Variants in PCNX2 observed in about 807,000 individuals in gnomAD.
PCNX2 encodes the protein pecanex 2, also known as pecanex-like protein 2.
Under a neutral mutation model 223.8 loss-of-function variants are expected in PCNX2, and 168 were observed. The ratio of observed to expected loss-of-function variants is 0.75; its 90% confidence interval spans 0.66 to 0.85. The LOEUF (loss-of-function observed/expected upper bound fraction) is 0.85. Among genes scored for constraint, PCNX2 ranks in the 40% least tolerant of loss-of-function variants. The pLI is 0.00. For missense variants in PCNX2, 2,507 were observed against 2,675.5 expected, an observed-to-expected ratio of 0.94 and a Z score of 1.39; for synonymous variants, 1,006 against 1,052.6, an observed-to-expected ratio of 0.96 and a Z score of 0.86.
At chr1:233,015,731 A>T (rs1285449937) in intron 27 of PCNX2, among the ~76,000 whole-genome samples, 1 of 152,002 alleles carries the variant, frequency 6.6e-6, no homozygotes, top group Non-Finnish European at 1.5e-5. Context: ...TAAATTAGCC[A>T]GGCATTGTGG....
chr1:233,035,298 A>G (rs1671416092), intron 25 of PCNX2, among the ~76,000 whole-genome samples: 1 of 152,244 alleles, frequency 6.6e-6, no homozygotes, highest in Admixed American at 6.5e-5. Flanking sequence ...AACAAACCGC[A>G]GTTTTTGTTC....
intron 13 of PCNX2, chr1:233,202,201 CTT>C: frequency 4.9e-6 from 2 of 411,496 alleles, no homozygotes; most frequent in South Asian, 1.9e-5. Context: ...TTATTTTGTC[CTT>C]TTTTTTTTCA....
intron 26 of PCNX2, among the ~76,000 whole-genome samples, chr1:233,024,690 C>G (rs1489095805): frequency 6.6e-6 from 1 of 152,250 alleles, no homozygotes; most frequent in Non-Finnish European, 1.5e-5. Flanking sequence ...AAGGCTGTCA[C>G]AGCCAATTCT....
chr1:233,302,963 G>A, the PCNX2 span, among the ~76,000 whole-genome samples: 1 of 152,022 alleles, frequency 6.6e-6, no homozygotes, highest in Non-Finnish European at 1.5e-5. Context: ...TGATTTTTCT[G>A]CACTCTAAAA....
intron 21 of PCNX2, among the ~76,000 whole-genome samples, chr1:233,116,259 A>G (rs1675401831): frequency 6.6e-6 from 1 of 152,226 alleles, no homozygotes; most frequent in South Asian, 2.1e-4. Flanking sequence ...ACTCAACAAC[A>G]TTATAATGCA....
At chr1:233,017,341 G>T (rs1214359778) in intron 26 of PCNX2, among the ~76,000 whole-genome samples, 187 bp from the exon 27 acceptor site, 1 of 128,844 alleles carries the variant, frequency 7.8e-6, no homozygotes. Context: ...TTTTTGAGAC[G>T]GAGTCTTGCT....
chr1:233,192,813 T>C (rs1680493339), intron 15 of PCNX2, among the ~76,000 whole-genome samples: 1 of 151,464 alleles, frequency 6.6e-6, no homozygotes. Flanking sequence ...TTATGCTATG[T>C]GAAGTAAATT....
At chr1:233,167,308 G>A (rs991592554) in intron 17 of PCNX2, among the ~76,000 whole-genome samples, 1 of 152,050 alleles carries the variant, frequency 6.6e-6, no homozygotes, top group Non-Finnish European at 1.5e-5. Context: ...GACAAATACT[G>A]CGTGATTTCA....
Position 233,001,485 on chromosome 1 carries a change from TAA to T in PCNX2, c.5097+50_5097+51del. On this transcript the variant is annotated intron_variant, in intron 29 of 33. Coordinates refer to ENST00000258229, the MANE Select transcript of PCNX2 (RefSeq NM_014801.4). The surrounding 1 kb of genome is among the most constrained non-coding windows in gnomAD (Gnocchi z 4.2). ...CAAGAGCGAAACTCCATCTCATAAA[TAA>T]ATAAATAAATAAATAAATAAATAAA... 3 of 860,464 alleles carry T rather than the reference TAA, an allele frequency of 3.5e-6. No individual in the cohort carries two copies. Among genetic ancestry groups the T allele is most frequent in the Non-Finnish European group, 4.4e-6 (3 of 678,252 alleles). The allele number at this position is 860,464 out of a possible 1,614,324, so 53.3% of individuals were successfully genotyped here.
intron 19 of PCNX2, among the ~76,000 whole-genome samples, chr1:233,153,451 A>G (rs1475903833): frequency 6.6e-6 from 1 of 152,234 alleles, no homozygotes; most frequent in Non-Finnish European, 1.5e-5. Context: ...AAACATTTGA[A>G]TAAGAAATAT....
At chr1:233,254,977 G>C (rs1410786975) in intron 5 of PCNX2, among the ~76,000 whole-genome samples, 1 of 152,014 alleles carries the variant, frequency 6.6e-6, no homozygotes, top group Non-Finnish European at 1.5e-5. Flanking sequence ...GAAGTTAGGA[G>C]ACTGAATATA....
At chr1:233,068,816 A>G (rs1230424859) in intron 23 of PCNX2, among the ~76,000 whole-genome samples, 1 of 152,094 alleles carries the variant, frequency 6.6e-6, no homozygotes, top group Non-Finnish European at 1.5e-5. Flanking sequence ...AGAGCAAACA[A>G]AACAAAAAAT....
intron 19 of PCNX2, among the ~76,000 whole-genome samples, chr1:233,153,257 C>T (rs186392671): frequency 3.9e-5 from 6 of 152,172 alleles, no homozygotes; most frequent in Non-Finnish European, 7.4e-5. Flanking sequence ...TTCTCAGGGG[C>T]GACTGAGGAC....
At chr1:233,030,289 C>T (rs1026760681) in intron 25 of PCNX2, among the ~76,000 whole-genome samples, 2 of 152,040 alleles carry the variant, frequency 1.3e-5, no homozygotes, top group African/African-American at 4.8e-5. Flanking sequence ...CTTTTCCTCT[C>T]TATTAATATT....
At position 233,124,338 on chromosome 1, in the gene PCNX2, C is replaced by G. The variant is rs1423978830; in HGVS notation, c.3837+10675G>C. Among the ~76,000 whole-genome samples, 4 of 152,154 alleles carry G rather than the reference C, an allele frequency of 2.6e-5. No homozygotes were observed. In the East Asian group the frequency reaches 7.7e-4, roughly 29 times the overall value. On this transcript the variant is annotated intron_variant, in intron 21 of 33. Coordinates refer to ENST00000258229, the MANE Select transcript of PCNX2 (RefSeq NM_014801.4). ...CAGCAGACAGCAAACTGTGAAATGACCTTACTGACAATTCCAGAATTACGA... is the reference window on the plus strand; with the variant it reads ...CAGCAGACAGCAAACTGTGAAATGAGCTTACTGACAATTCCAGAATTACGA...
At chr1:233,242,481 A>T (rs1008558120) in intron 8 of PCNX2, among the ~76,000 whole-genome samples, 15 of 152,222 alleles carry the variant, frequency 9.9e-5, no homozygotes, top group African/African-American at 3.6e-4. Context: ...ACTGGGGAGC[A>T]GATGATATGC....
At chr1:232,988,605 T>C (rs1289298418) in intron 32 of PCNX2, among the ~76,000 whole-genome samples, 1 of 152,224 alleles carries the variant, frequency 6.6e-6, no homozygotes, top group East Asian at 1.9e-4. Flanking sequence ...ACCTTACATA[T>C]AAATCACCCT....
chr1:233,060,998 C>G (rs1298864458), intron 23 of PCNX2, among the ~76,000 whole-genome samples: 1 of 152,208 alleles, frequency 6.6e-6, no homozygotes, highest in Non-Finnish European at 1.5e-5. Flanking sequence ...CCTTCTCTCT[C>G]AGTTTCATCT....
chr1:233,316,933 G>A, the PCNX2 span, among the ~76,000 whole-genome samples: 3 of 152,070 alleles, frequency 2.0e-5, no homozygotes, highest in African/African-American at 7.2e-5. Flanking sequence ...CATGGTAACA[G>A]GCAACTTTGT....
Sources: allele counts gnomAD v4.1 joint callset (sites outside exome capture counted in the v4.1 genomes callset), GRCh38; gene constraint gnomAD v4.1.1; non-coding constraint Gnocchi (gnomAD v3.1); transcripts MANE v1.5; gene names NCBI Gene and HGNC (gene_info 2026-07-23, HGNC 2026-07-21).